The following ABTB3 variants were observed in gnomAD, a reference collection of about 807,000 sequenced individuals.
ABTB3 encodes the protein ankyrin repeat- and BTB/POZ domain-containing protein 3.
chr12:107,467,941 C>T, the ABTB3 span, among the ~76,000 whole-genome samples: 4 of 152,230 alleles, frequency 2.6e-5, no homozygotes, highest in Admixed American at 1.3e-4. Flanking sequence ...GATCCGCTTC[C>T]ATTTAGAGAC....
chr12:107,523,298 G>A, the ABTB3 span, among the ~76,000 whole-genome samples: 1 of 152,134 alleles, frequency 6.6e-6, no homozygotes, highest in East Asian at 1.9e-4. Flanking sequence ...TCTGAATTTG[G>A]AAGTTGCGCT....
At chr12:107,503,983 A>C in the ABTB3 span, among the ~76,000 whole-genome samples, 21 of 152,250 alleles carry the variant, frequency 1.4e-4, no homozygotes, top group Admixed American at 3.9e-4. Flanking sequence ...CTCTCTCCAG[A>C]AGCATCCTTA....
chr12:107,589,477 G>A, the ABTB3 span, among the ~76,000 whole-genome samples: 2 of 152,196 alleles, frequency 1.3e-5, no homozygotes, highest in African/African-American at 4.8e-5. Context: ...TGAAATATGA[G>A]ATTTGGAAAG....
At chr12:107,364,922 A>G in the ABTB3 span, among the ~76,000 whole-genome samples, 1 of 152,166 alleles carries the variant, frequency 6.6e-6, no homozygotes, top group Admixed American at 6.5e-5. Context: ...CACACAAGCA[A>G]AGAGGCCAAA....
the ABTB3 span, among the ~76,000 whole-genome samples, chr12:107,485,697 T>C: frequency 6.6e-6 from 1 of 152,222 alleles, no homozygotes; most frequent in Non-Finnish European, 1.5e-5. Context: ...ATTTCTTCTT[T>C]TTTATGTTCT....
the ABTB3 span, among the ~76,000 whole-genome samples, chr12:107,656,309 A>AG: frequency 6.6e-6 from 1 of 151,922 alleles, no homozygotes; most frequent in African/African-American, 2.4e-5. Context: ...AAAAAAAAAA[A>AG]AAATTAGACA....
At chr12:107,336,791 G>A in the ABTB3 span, among the ~76,000 whole-genome samples, 3 of 152,176 alleles carry the variant, frequency 2.0e-5, no homozygotes, top group South Asian at 4.1e-4. Flanking sequence ...ACAGATATTT[G>A]TCTGTTTTAT....
chr12:107,607,233 T>G, the ABTB3 span, among the ~76,000 whole-genome samples: 1 of 152,182 alleles, frequency 6.6e-6, no homozygotes, highest in African/African-American at 2.4e-5. Flanking sequence ...TCTCAAGTAT[T>G]TTTATTTGCT....
At chr12:107,608,884 AAAATAAAATAAATAAAATAAAAT>A in the ABTB3 span, among the ~76,000 whole-genome samples, 9 of 76,986 alleles carry the variant, frequency 1.2e-4, no homozygotes, top group Non-Finnish European at 2.1e-4. Context: ...AATTTAAAAT[AAAATAAAATAAATAAAATAAAAT>A]AAAATAAAAT....
At chr12:107,320,292 CG>C in the ABTB3 span, among the ~76,000 whole-genome samples, 2 of 152,324 alleles carry the variant, frequency 1.3e-5, no homozygotes, top group Middle Eastern at 6.8e-3. Flanking sequence ...GTCCCAGGTC[CG>C]GGAGCGCGAG....
the ABTB3 span, among the ~76,000 whole-genome samples, chr12:107,375,259 A>G: frequency 6.6e-6 from 1 of 152,094 alleles, no homozygotes; most frequent in African/African-American, 2.4e-5. Flanking sequence ...TCTACTAAAA[A>G]TACAAAACAT....
the ABTB3 span, among the ~76,000 whole-genome samples, chr12:107,473,982 C>T: frequency 6.6e-6 from 1 of 152,022 alleles, no homozygotes; most frequent in Non-Finnish European, 1.5e-5. Context: ...CAGGGTTTCA[C>T]CATGTTGGCC....
chr12:107,568,243 A>T, the ABTB3 span, among the ~76,000 whole-genome samples: 2 of 152,220 alleles, frequency 1.3e-5, no homozygotes, highest in Non-Finnish European at 2.9e-5. Flanking sequence ...CATCATTGTA[A>T]GATAGGAATA....
chr12:107,529,598 T>C, the ABTB3 span, among the ~76,000 whole-genome samples: 1 of 152,260 alleles, frequency 6.6e-6, no homozygotes, highest in Non-Finnish European at 1.5e-5. Context: ...CATTTAATAC[T>C]ATGAGGTAGG....
the ABTB3 span, among the ~76,000 whole-genome samples, chr12:107,533,363 T>G: frequency 6.6e-6 from 1 of 152,162 alleles, no homozygotes; most frequent in Non-Finnish European, 1.5e-5. Flanking sequence ...CCCAGCTAGG[T>G]GCTGCCCACA....
chr12:107,440,588 C>T, the ABTB3 span, among the ~76,000 whole-genome samples: 1 of 152,176 alleles, frequency 6.6e-6, no homozygotes, highest in East Asian at 1.9e-4. Flanking sequence ...CGTTTTGATG[C>T]ACTGTTCCCC....
At chr12:107,444,523 G>C in the ABTB3 span, among the ~76,000 whole-genome samples, 1 of 152,110 alleles carries the variant, frequency 6.6e-6, no homozygotes, top group Non-Finnish European at 1.5e-5. Flanking sequence ...TGAAGAGAAT[G>C]CTCTCCAAGG....
chr12:107,640,653 T>C, the ABTB3 span, among the ~76,000 whole-genome samples: 1 of 152,164 alleles, frequency 6.6e-6, no homozygotes, highest in Non-Finnish European at 1.5e-5. Context: ...GGATTGGATT[T>C]TGGCTCCCTC....
At chr12:107,524,350 A>G in the ABTB3 span, among the ~76,000 whole-genome samples, 4 of 152,172 alleles carry the variant, frequency 2.6e-5, no homozygotes, top group Non-Finnish European at 5.9e-5. Context: ...GAATCAATAC[A>G]GCCTTGCTCT....
Sources: gnomAD v4.1 joint callset for allele counts (sites outside exome capture counted in the v4.1 genomes callset) on GRCh38, gnomAD v4.1.1 for gene constraint, MANE v1.5 for transcripts, NCBI Gene and HGNC (gene_info 2026-07-23, HGNC 2026-07-21) for gene names.